The following ADAM8 variants were observed in gnomAD, a reference collection of about 807,000 sequenced individuals.
ADAM8 encodes ADAM metallopeptidase domain 8.
In ADAM8, 104 loss-of-function variants were observed where a neutral mutation model predicts 102.4. That is an observed-to-expected ratio of 1.02 (90% CI 0.87 to 1.20). The LOEUF is 1.20. Among genes scored for constraint, ADAM8 ranks in the 50% most tolerant of loss-of-function variants. ADAM8 has a pLI of 0.00. For synonymous variants in ADAM8, 517 were observed against 485.2 expected, an observed-to-expected ratio of 1.07 and a Z score of -0.86; for missense variants, 1,132 against 1,159.0, an observed-to-expected ratio of 0.98 and a Z score of 0.34.
rs748813689 is a variant in ADAM8 at position 133,272,455 on chromosome 10, C to T, written c.836G>A (p.Arg279Gln). The T allele has an allele frequency of 3.1e-5, 50 of 1,610,980 alleles. No homozygotes were observed. The highest frequency in any genetic ancestry group is 1.8e-4 in the East Asian group (8 of 44,828). The change falls in exon 9 of 23, where the codon CGG becomes CAG. Residue 279 changes from arginine (R) to glutamine (Q), a missense_variant. Physicochemically the swap from Arg to Gln is conservative, Grantham distance 43 (BLOSUM62 1). Transcript: ENST00000445355. ...GTTGTCATGCAGGTGCCGCCGTGTC[C>T]GTTGCCGTGCCTGCCAGGTCAGGAG... ...ENLLTWQARQRTRRHLHDNVQ... is the reference protein window; with the variant it reads ...ENLLTWQARQQTRRHLHDNVQ...
chr10:133,268,896 G>A (rs778944700), intron 18 of ADAM8, 34 bp from the exon 19 acceptor site: 1 of 1,592,934 alleles, frequency 6.3e-7, no homozygotes, highest in Non-Finnish European at 8.5e-7. Flanking sequence ...CAGGCAGGCA[G>A]GCCGCGACCT....
chr10:133,267,776 G>A (rs1224630592), intron 20 of ADAM8, among the ~76,000 whole-genome samples, 153 bp downstream of exon 20: 2 of 152,376 alleles, frequency 1.3e-5, no homozygotes, highest in South Asian at 2.1e-4. Context: ...CCAGCAGGGC[G>A]ACCACAGCAG....
At chr10:133,272,612 TC>T in intron 8 of ADAM8, 27 bp from the exon 9 acceptor site, 3 of 1,588,968 alleles carry the variant, frequency 1.9e-6, no homozygotes, top group Non-Finnish European at 2.6e-6. Flanking sequence ...GTCCTGGGGG[TC>T]AGGCAGGGTG....
intron 3 of ADAM8, 57 bp downstream of exon 3, chr10:133,274,102 G>T: frequency 6.3e-7 from 1 of 1,587,284 alleles, no homozygotes; most frequent in Non-Finnish European, 8.6e-7. Flanking sequence ...GGACGCCGGG[G>T]ACACCAGTGT....
chr10:133,268,159 T>C, intron 19 of ADAM8, 41 bp from the exon 20 acceptor site: 1 of 1,249,436 alleles, frequency 8.0e-7, no homozygotes, highest in Non-Finnish European at 1.0e-6. Context: ...TGTCCGGCCA[T>C]GGGGCCCCAG....
intron 1 of ADAM8, among the ~76,000 whole-genome samples, chr10:133,276,254 G>A (rs1846747070): frequency 6.6e-6 from 1 of 152,148 alleles, no homozygotes; most frequent in African/African-American, 2.4e-5. Flanking sequence ...CCGGCCTCCA[G>A]CCTGAAGCTC....
chr10:133,274,673 G>T, intron 2 of ADAM8: 1 of 294,730 alleles, frequency 3.4e-6, no homozygotes, highest in South Asian at 2.5e-5. Flanking sequence ...AGAAAGCATA[G>T]GGTGGGGGAG....
intron 16 of ADAM8, 121 bp downstream of exon 16, chr10:133,270,239 G>A (rs536292293): frequency 6.1e-5 from 81 of 1,328,196 alleles, no homozygotes; most frequent in Non-Finnish European, 7.5e-5. Flanking sequence ...CTAGAAGCGC[G>A]GAGAGAACTC....
chr10:133,262,837 G>T lies in ADAM8; in HGVS notation c.*319C>A. ...TGTGGCTGGGAGGGGCTGTATATGT[G>T]GCCTCCTGAACACAGCGGGAGACCA... On this transcript the variant is annotated 3_prime_UTR_variant, in exon 23 of 23. Coordinates refer to ENST00000445355, the MANE Select transcript of ADAM8 (RefSeq NM_001109.5). 2.8e-6 allele frequency: 1 copy of T among 356,160 alleles called. No homozygotes were observed. The highest frequency in any genetic ancestry group is 5.7e-5 in the East Asian group (1 of 17,418). The allele number at this position is 356,160 out of a possible 1,614,324, so 22.1% of individuals were successfully genotyped here.
Position 133,274,049 on chromosome 10 carries a change from A to G in ADAM8, c.228-20T>C. 6.2e-7 allele frequency: 1 copy of G among 1,600,342 alleles called. No individual in the cohort carries two copies. On this transcript the variant is annotated intron_variant, in intron 3 of 22. Transcript: ENST00000445355. ...AGGTCCCTGGAAAAGAAGTGCTGTG[A>G]CTGCCTCGGCCCCCTCGGTGCAGAG...
At chr10:133,264,849 C>T (rs1846276106) in intron 21 of ADAM8, among the ~76,000 whole-genome samples, 1 of 149,372 alleles carries the variant, frequency 6.7e-6, no homozygotes, top group Non-Finnish European at 1.5e-5. Flanking sequence ...GCAGCCTCTG[C>T]CCCATCTACC....
Position 133,270,433 on chromosome 10 carries a change from C to T in ADAM8, c.1712G>A (p.Cys571Tyr). 1 of 1,606,796 alleles carries T rather than the reference C, an allele frequency of 6.2e-7. No homozygotes were observed. The highest frequency in any genetic ancestry group is 8.5e-7 in the Non-Finnish European group (1 of 1,175,140). The change falls in exon 16 of 23, where the codon TGC becomes TAC. Residue 571 changes from cysteine (C) to tyrosine (Y), a missense_variant. Transcript: ENST00000445355. Reference protein sequence around the residue: ...LGRAICIVDVCHALTTEDGTA... With the variant: ...LGRAICIVDVYHALTTEDGTA... ...GCCATCCTCTGTGGTGAGCGCGTGG[C>T]ACACATCCACGATGCAGATGGCACG... is the stretch of plus-strand genomic sequence containing the variant.
chr10:133,270,446 T>C lies in ADAM8; in HGVS notation c.1699A>G (p.Ile567Val), dbSNP rs536602734. Residue 567 changes from isoleucine to valine, a missense_variant, in exon 16 of 23, where the codon ATC becomes GTC. Physicochemically the swap from Ile to Val is conservative, Grantham distance 29. Coordinates refer to ENST00000445355, the MANE Select transcript of ADAM8 (RefSeq NM_001109.5). ...GTGAGCGCGTGGCACACATCCACGA[T>C]GCAGATGGCACGCCCCAGGGGCTGC... ...GQQPLGRAIC[I>V]VDVCHALTTE... is the part of the protein sequence containing the mutation. 33 of 1,606,320 alleles carry C rather than the reference T, an allele frequency of 2.1e-5. 1 individual carries two copies. The South Asian group carries it at 3.6e-4, about 18-fold the overall frequency.
In ADAM8 at chr10:133,270,445, A is replaced by G. The variant is rs756349829; in HGVS notation, c.1700T>C (p.Ile567Thr). The part of the protein sequence containing the change: ...GQQPLGRAIC[I>T]VDVCHALTTE... The stretch of plus-strand genomic sequence containing the variant: ...GGTGAGCGCGTGGCACACATCCACG[A>G]TGCAGATGGCACGCCCCAGGGGCTG... The change falls in exon 16 of 23, where the codon ATC (isoleucine) becomes ACC (threonine). Residue 567 changes from isoleucine (I) to threonine (T), a missense_variant. Physicochemically the swap from Ile to Thr is moderately conservative, Grantham distance 89. Transcript: ENST00000445355. 1.2e-6 allele frequency: 2 copies of G among 1,606,288 alleles called. No homozygotes were observed. The highest frequency in any genetic ancestry group is 1.7e-6 in the Non-Finnish European group (2 of 1,174,760).
At chr10:133,272,364 T>TG in intron 9 of ADAM8, 52 bp downstream of exon 9, 1 of 265,946 alleles carries the variant, frequency 3.8e-6, no homozygotes, top group Non-Finnish European at 5.5e-6. Context: ...CACCCCACCC[T>TG]GCCCGCCCTC....
intron 6 of ADAM8, 97 bp downstream of exon 6, chr10:133,273,157 T>A (rs1846612525): frequency 3.8e-6 from 6 of 1,583,154 alleles, no homozygotes. Flanking sequence ...CTGCAGACAA[T>A]GGGCAGCACC....
chr10:133,272,394 C>T, intron 9 of ADAM8, 22 bp downstream of exon 9: 4 of 1,546,476 alleles, frequency 2.6e-6, no homozygotes, highest in African/African-American at 1.4e-5. Flanking sequence ...CCCTCCCCAC[C>T]CTGCCCGCTC....
intron 3 of ADAM8, 45 bp from the exon 4 acceptor site, chr10:133,274,074 G>A (rs1364263082): frequency 6.3e-7 from 1 of 1,593,478 alleles, no homozygotes; most frequent in Non-Finnish European, 8.5e-7. Flanking sequence ...TCGGTGCAGA[G>A]AGGCTGGCCC....
At chr10:133,267,449 G>C (rs971941345) in intron 20 of ADAM8, 32 bp from the exon 21 acceptor site, 10 of 1,584,426 alleles carry the variant, frequency 6.3e-6, no homozygotes, top group Non-Finnish European at 8.6e-6. Context: ...GCCTGGGTCA[G>C]AGCTGGGACC....
Sources: gnomAD v4.1 joint callset for allele counts (sites outside exome capture counted in the v4.1 genomes callset) on GRCh38, gnomAD v4.1.1 for gene constraint, MANE v1.5 for transcripts, NCBI Gene and HGNC (gene_info 2026-07-23, HGNC 2026-07-21) for gene names.